The following MPP7 variants were observed in gnomAD, a reference collection of about 807,000 sequenced individuals.
The protein encoded by MPP7 is MAGUK p55 subfamily member 7.
In MPP7, 60 loss-of-function variants were observed where a neutral mutation model predicts 76.5. The observed-to-expected ratio is 0.78, with a 90% confidence interval of 0.64 to 0.97. The LOEUF (loss-of-function observed/expected upper bound fraction) is 0.97, where lower values mean the gene tolerates loss of function less well. MPP7 is among the 50% of genes least tolerant of loss of function. MPP7 has a pLI of 0.00. For synonymous variants in MPP7, 237 were observed against 244.5 expected, an observed-to-expected ratio of 0.97 and a Z score of 0.29; for missense variants, 641 against 694.0, an observed-to-expected ratio of 0.92 and a Z score of 0.86.
intron 8 of MPP7, among the ~76,000 whole-genome samples, chr10:28,121,306 A>T (rs1180422817): frequency 6.6e-6 from 1 of 151,378 alleles, no homozygotes; most frequent in Non-Finnish European, 1.5e-5. Flanking sequence ...CAAGGTTCAT[A>T]CAGTTACATT....
chr10:28,231,515 G>GA (rs1478363257), intron 2 of MPP7, among the ~76,000 whole-genome samples: 1 of 149,928 alleles, frequency 6.7e-6, no homozygotes, highest in Non-Finnish European at 1.5e-5. Flanking sequence ...GAGGAGAGAG[G>GA]AAGAGAGTGC....
intron 11 of MPP7, among the ~76,000 whole-genome samples, chr10:28,108,959 A>C (rs2133554012): frequency 6.6e-6 from 1 of 152,124 alleles, no homozygotes; most frequent in Admixed American, 6.5e-5. Context: ...TTTACTTAGG[A>C]GGAGGCTGTG....
At chr10:28,101,049 G>A (rs1417838197) in intron 11 of MPP7, among the ~76,000 whole-genome samples, 1 of 152,050 alleles carries the variant, frequency 6.6e-6, no homozygotes, top group African/African-American at 2.4e-5. Context: ...GAGAAAAACT[G>A]ATTTGAAATT....
intron 11 of MPP7, among the ~76,000 whole-genome samples, chr10:28,103,150 C>T (rs1013442952): frequency 1.1e-4 from 17 of 150,772 alleles, no homozygotes; most frequent in Non-Finnish European, 1.6e-4. Flanking sequence ...AGACCGTGCA[C>T]ATGCATCCTG....
At chr10:28,109,873 A>AAAAAAAAAAAAC (rs1834449365) in intron 11 of MPP7, among the ~76,000 whole-genome samples, 1 of 143,170 alleles carries the variant, frequency 7.0e-6, no homozygotes, top group African/African-American at 2.6e-5. Context: ...AAAAAAAAAA[A>AAAAAAAAAAAAC]CACTTAAAAC....
At chr10:28,062,114 G>A (rs1053612562) in intron 13 of MPP7, among the ~76,000 whole-genome samples, 10 of 152,142 alleles carry the variant, frequency 6.6e-5, no homozygotes, top group African/African-American at 2.4e-4. Context: ...CTTTTTTCCT[G>A]TTAAGTTCAT....
At chr10:28,301,966 T>A (rs1841165876) in intron 1 of MPP7, among the ~76,000 whole-genome samples, 1 of 152,230 alleles carries the variant, frequency 6.6e-6, no homozygotes, top group Non-Finnish European at 1.5e-5. Context: ...ACGTAATTAA[T>A]AGCCCAGGAT....
chr10:28,246,800 C>CA (rs1242517685), intron 1 of MPP7, among the ~76,000 whole-genome samples: 3 of 152,172 alleles, frequency 2.0e-5, no homozygotes, highest in South Asian at 2.1e-4. Flanking sequence ...TCCCTTGACA[C>CA]ATGGAGATTA....
At chr10:28,171,232 T>G (rs1447751607) in intron 3 of MPP7, among the ~76,000 whole-genome samples, 1 of 152,204 alleles carries the variant, frequency 6.6e-6, no homozygotes, top group African/African-American at 2.4e-5. Flanking sequence ...CTAATTACAT[T>G]GTTTTAACTT....
intron 12 of MPP7, among the ~76,000 whole-genome samples, chr10:28,070,867 TAGAC>T (rs1212590412): frequency 1.3e-5 from 2 of 152,190 alleles, no homozygotes; most frequent in Non-Finnish European, 2.9e-5. Flanking sequence ...AATCAAAAGT[TAGAC>T]AGGCATAAGT....
At chr10:28,065,643 G>A (rs938113197) in intron 13 of MPP7, among the ~76,000 whole-genome samples, 12 of 152,120 alleles carry the variant, frequency 7.9e-5, no homozygotes, top group Admixed American at 5.9e-4. Flanking sequence ...CTCTTCCCAT[G>A]TCCCCAAAAT....
chr10:28,102,886 C>A (rs1026939563), intron 11 of MPP7, among the ~76,000 whole-genome samples: 1 of 152,188 alleles, frequency 6.6e-6, no homozygotes, highest in Non-Finnish European at 1.5e-5. Flanking sequence ...AACAGATCAG[C>A]CAGCGTGACC....
intron 1 of MPP7, among the ~76,000 whole-genome samples, chr10:28,300,158 A>G (rs982388525): frequency 6.6e-6 from 1 of 152,200 alleles, no homozygotes; most frequent in African/African-American, 2.4e-5. Flanking sequence ...TTGTCAGTGA[A>G]ATGTTTATAA....
chr10:28,192,122 ACT>A (rs1446573992), intron 3 of MPP7, among the ~76,000 whole-genome samples: 17 of 152,174 alleles, frequency 1.1e-4, no homozygotes, highest in African/African-American at 3.9e-4. Context: ...CACAATAAAA[ACT>A]CTGAGCAAAC....
chr10:28,113,520 C>G (rs1049205025), intron 11 of MPP7, among the ~76,000 whole-genome samples: 2 of 152,074 alleles, frequency 1.3e-5, no homozygotes, highest in African/African-American at 2.4e-5. Context: ...CAGACAAGAG[C>G]CCCAAGAGTG....
chr10:28,264,205 G>A (rs1840074317), intron 1 of MPP7, among the ~76,000 whole-genome samples: 1 of 152,066 alleles, frequency 6.6e-6, no homozygotes, highest in East Asian at 1.9e-4. Context: ...AGGCTGAGGT[G>A]GGAGGATGGC....
chr10:28,219,433 TGACATCA>T (rs1838422906), intron 2 of MPP7, among the ~76,000 whole-genome samples: 2 of 152,274 alleles, frequency 1.3e-5, no homozygotes, highest in South Asian at 4.1e-4. Context: ...TCAACATTCC[TGACATCA>T]GAACGGAAAA....
chr10:28,190,574 C>T (rs1218340682), intron 3 of MPP7, among the ~76,000 whole-genome samples: 1 of 152,072 alleles, frequency 6.6e-6, no homozygotes, highest in Non-Finnish European at 1.5e-5. Context: ...TTAAATAACA[C>T]ATGGGTCAAA....
chr10:28,211,516 TTA>T (rs1386134710), intron 2 of MPP7, among the ~76,000 whole-genome samples: 3 of 152,032 alleles, frequency 2.0e-5, no homozygotes, highest in Non-Finnish European at 2.9e-5. Flanking sequence ...TATCAGAATA[TTA>T]TCTTTATATA....
Sources: gnomAD v4.1 joint callset for allele counts (sites outside exome capture counted in the v4.1 genomes callset) on GRCh38, gnomAD v4.1.1 for gene constraint, MANE v1.5 for transcripts, NCBI Gene and HGNC (gene_info 2026-07-23, HGNC 2026-07-21) for gene names.